The following GARIN5B variants were observed in gnomAD, a reference collection of about 807,000 sequenced individuals.
The protein encoded by GARIN5B is golgi associated RAB2 interactor family member 5B, also known as Golgi-associated RAB2 interactor protein 5B.
the GARIN5B span, chr19:55,363,017 G>A: frequency 1.3e-6 from 2 of 1,492,058 alleles, no homozygotes; most frequent in South Asian, 1.3e-5. The surrounding 1 kb of genome is among the most constrained non-coding windows in gnomAD (Gnocchi z 4.0). Context: ...GACCCACTTC[G>A]GGGTGCCCTG....
chr19:55,361,905 C>CCTAGACCCAGGA, the GARIN5B span, among the ~76,000 whole-genome samples: 20 of 103,466 alleles, frequency 1.9e-4, no homozygotes, highest in East Asian at 4.5e-4. Context: ...TTAGCTCCTC[C>CCTAGACCCAGGA]GTCAGACCCA....
At chr19:55,361,302 G>C in the GARIN5B span, 2 of 1,542,714 alleles carry the variant, frequency 1.3e-6, no homozygotes, top group Non-Finnish European at 8.8e-7. Context: ...CCTACCCCAG[G>C]AGCTTGTGGA....
the GARIN5B span, chr19:55,359,360 G>A: frequency 6.5e-7 from 1 of 1,549,750 alleles, no homozygotes; most frequent in Non-Finnish European, 8.7e-7. Context: ...AGATGGGGGT[G>A]GGGTCTTCTG....
At chr19:55,359,282 G>A in the GARIN5B span, 1 of 1,529,336 alleles carries the variant, frequency 6.5e-7, no homozygotes, top group Non-Finnish European at 8.8e-7. Context: ...GAGGAGTAGA[G>A]ATTTCTTCTT....
chr19:55,360,016 G>T, the GARIN5B span: 1 of 1,502,632 alleles, frequency 6.7e-7, no homozygotes, highest in Non-Finnish European at 8.9e-7. Context: ...ACATGGTCAG[G>T]ATGCATGGAG....
the GARIN5B span, chr19:55,363,067 G>C: frequency 6.7e-7 from 1 of 1,495,226 alleles, no homozygotes; most frequent in South Asian, 1.3e-5. This position sits in a 1 kb window ranked among gnomAD's most constrained non-coding sequence, Gnocchi z 4.0. Flanking sequence ...GCCAGATCAT[G>C]GTGGCTGTGG....
At chr19:55,362,311 C>T in the GARIN5B span, 9 of 1,550,102 alleles carry the variant, frequency 5.8e-6, no homozygotes, top group South Asian at 9.5e-5. Context: ...TGCGCGTGGT[C>T]CTGGGGGTCC....
the GARIN5B span, chr19:55,361,007 C>G: frequency 6.4e-7 from 1 of 1,550,788 alleles, no homozygotes; most frequent in East Asian, 2.4e-5. Flanking sequence ...CACTTCTTTT[C>G]TGCAGGTTTC....
the GARIN5B span, among the ~76,000 whole-genome samples, chr19:55,360,201 GC>G: frequency 7.9e-6 from 1 of 127,250 alleles, no homozygotes; most frequent in African/African-American, 3.1e-5. Flanking sequence ...CCAGGCCCCA[GC>G]TCCTCCTCCC....
chr19:55,359,190 G>T, the GARIN5B span: 349 of 1,551,418 alleles, frequency 2.2e-4, 2 homozygotes, highest in Middle Eastern at 2.3e-3. Context: ...TCGCCAGGGA[G>T]CTTCCCCCGT....
chr19:55,362,738 G>A, the GARIN5B span: 1 of 1,527,012 alleles, frequency 6.5e-7, no homozygotes. Flanking sequence ...GTCACCTGGG[G>A]CAGCCAGGGA....
At chr19:55,360,888 C>G in the GARIN5B span, 1 of 1,543,616 alleles carries the variant, frequency 6.5e-7, no homozygotes, top group Non-Finnish European at 8.8e-7. Flanking sequence ...TCTGTCGGGG[C>G]GGGGGTCTGA....
the GARIN5B span, among the ~76,000 whole-genome samples, chr19:55,357,340 G>T: frequency 2.0e-5 from 3 of 152,184 alleles, no homozygotes. Flanking sequence ...CTCAGAGTCA[G>T]AGCCAAAGTC....
chr19:55,358,064 A>G, the GARIN5B span: 4 of 1,344,730 alleles, frequency 3.0e-6, no homozygotes, highest in South Asian at 8.3e-5. Context: ...AAAAAAAAAA[A>G]AAAGTGAAAG....
the GARIN5B span, among the ~76,000 whole-genome samples, chr19:55,355,505 G>A: frequency 3.3e-5 from 5 of 152,066 alleles, no homozygotes; most frequent in Non-Finnish European, 5.9e-5. Flanking sequence ...CTGGGGCAGA[G>A]TCTGGCAGTA....
chr19:55,362,984 T>C, the GARIN5B span: 1 of 1,485,156 alleles, frequency 6.7e-7, no homozygotes, highest in Non-Finnish European at 8.9e-7. Flanking sequence ...CTGGAGGGTC[T>C]TTTGCAGCTC....
At chr19:55,357,592 G>A in the GARIN5B span, among the ~76,000 whole-genome samples, 1 of 152,194 alleles carries the variant, frequency 6.6e-6, no homozygotes, top group East Asian at 1.9e-4. Flanking sequence ...AGAGCACCTG[G>A]GCTGTGGTGG....
At chr19:55,359,711 C>T in the GARIN5B span, 589 of 1,551,428 alleles carry the variant, frequency 3.8e-4, 2 homozygotes, top group African/African-American at 7.4e-3. Flanking sequence ...GCCCATAGGC[C>T]CGGCCTTTTC....
At chr19:55,358,841 T>C in the GARIN5B span, 6 of 1,546,780 alleles carry the variant, frequency 3.9e-6, no homozygotes, top group Non-Finnish European at 5.2e-6. Flanking sequence ...GGCCAGTTCC[T>C]TGGCCTTGAC....
Sources: gnomAD v4.1 joint callset for allele counts (sites outside exome capture counted in the v4.1 genomes callset) on GRCh38, gnomAD v4.1.1 for gene constraint, Gnocchi (gnomAD v3.1) non-coding constraint, MANE v1.5 for transcripts, NCBI Gene and HGNC (gene_info 2026-07-23, HGNC 2026-07-21) for gene names.